ULK1: variants seen among roughly 807,000 people sequenced by gnomAD.
ULK1 encodes the protein serine/threonine-protein kinase ULK1.
Under a neutral mutation model 117.5 loss-of-function variants are expected in ULK1, and 48 were observed. That is an observed-to-expected ratio of 0.41 (90% CI 0.32 to 0.52). ULK1 has a LOEUF of 0.52. Ranked by LOEUF, ULK1 falls within the 20% of genes least tolerant of loss-of-function variation. The pLI is 0.29. For synonymous variants in ULK1, 790 were observed against 637.8 expected (o/e 1.24, Z -3.60); for missense variants, 1,387 against 1,473.4 (o/e 0.94, Z 0.96).
Position 131,921,834 on chromosome 12 carries a change from A to G in ULK1, c.*473A>G, listed in dbSNP as rs2136418136. 1 of 469,976 alleles carries G rather than the reference A, an allele frequency of 2.1e-6. No homozygotes were observed. Among genetic ancestry groups the G allele is most frequent in the East Asian group, 6.6e-5 (1 of 15,098 alleles). The allele number at this position is 469,976 out of a possible 1,614,324, so 29.1% of individuals were successfully genotyped here. Reference sequence around the variant, plus strand: ...ACCCACCCAGCTTTGTCAATCACCCAAGCACTTTATGCATATAGAGACAGA... The same window carrying G: ...ACCCACCCAGCTTTGTCAATCACCCGAGCACTTTATGCATATAGAGACAGA... On this transcript the variant is annotated 3_prime_UTR_variant, in exon 28 of 28. Coordinates refer to ENST00000321867, the MANE Select transcript of ULK1 (RefSeq NM_003565.4).
chr12:131,907,369 T>C (rs971825657), intron 4 of ULK1, 126 bp from the exon 5 acceptor site: 2 of 1,216,114 alleles, frequency 1.6e-6, no homozygotes, highest in Admixed American at 2.5e-5. Flanking sequence ...ACACCTGCCC[T>C]GGGCTGGGCA....
chr12:131,899,348 C>G (rs1208219175), intron 3 of ULK1, among the ~76,000 whole-genome samples: 2 of 152,020 alleles, frequency 1.3e-5, no homozygotes, highest in Non-Finnish European at 2.9e-5. Flanking sequence ...GCCACCACGC[C>G]TGGCTAATTT....
chr12:131,909,699 A>C, intron 8 of ULK1, 76 bp from the exon 9 acceptor site: 2 of 1,400,338 alleles, frequency 1.4e-6, no homozygotes, highest in South Asian at 1.4e-5. Context: ...CCGACTGGGG[A>C]CGAACGCACC....
At chr12:131,899,375 A>G (rs1462325643) in intron 3 of ULK1, among the ~76,000 whole-genome samples, 1 of 151,924 alleles carries the variant, frequency 6.6e-6, no homozygotes, top group Non-Finnish European at 1.5e-5. Context: ...TTTAGTAGAG[A>G]CAAGGTTTCT....
At chr12:131,911,760 G>A (rs1889546651) in intron 12 of ULK1, among the ~76,000 whole-genome samples, 182 bp from the exon 13 acceptor site, 1 of 152,216 alleles carries the variant, frequency 6.6e-6, no homozygotes, top group Non-Finnish European at 1.5e-5. Context: ...GCTGGCCTTT[G>A]AGTGGAGTGC....
At position 131,919,593 on chromosome 12, in the gene ULK1, G is replaced by C. The variant is rs754314032; in HGVS notation, c.2803+3G>C. Reference sequence around the variant, plus strand: ...CCTGTCGTCCACTGTGAAGCAGGGTGAGGGCTGCGACCGCTCAGCCCACAT... The same window carrying C: ...CCTGTCGTCCACTGTGAAGCAGGGTCAGGGCTGCGACCGCTCAGCCCACAT... On this transcript the variant is annotated splice_donor_region_variant and intron_variant, in intron 25 of 27. Transcript: ENST00000321867. 1 of 1,611,106 alleles carries C rather than the reference G, an allele frequency of 6.2e-7. No individual in the cohort carries two copies. The highest frequency in any genetic ancestry group is 1.1e-5 in the South Asian group (1 of 91,064).
chr12:131,906,690 GGA>G (rs1376307621), intron 3 of ULK1, 200 bp from the exon 4 acceptor site: 5 of 641,100 alleles, frequency 7.8e-6, no homozygotes, highest in Non-Finnish European at 1.4e-5. Flanking sequence ...TTGATCAGAT[GGA>G]GACCTGGCTG....
intron 10 of ULK1, 121 bp from the exon 11 acceptor site, chr12:131,910,133 A>G: frequency 6.4e-7 from 1 of 1,564,524 alleles, no homozygotes; most frequent in Non-Finnish European, 8.8e-7. Flanking sequence ...AAGCGCAGGC[A>G]GGGGCTCCAC....
intron 15 of ULK1, 27 bp downstream of exon 15, chr12:131,913,863 TG>T: frequency 6.7e-7 from 1 of 1,488,580 alleles, no homozygotes; most frequent in South Asian, 1.4e-5. Flanking sequence ...GCTGGGTGGA[TG>T]GGGCTGTGAA....
In ULK1 at chr12:131,914,241, T is replaced by C. The variant is rs1889672925; in HGVS notation, c.1248-111T>C. 12 of 1,512,468 alleles carry C rather than the reference T, an allele frequency of 7.9e-6. No homozygotes were observed. In the South Asian group the frequency reaches 1.5e-4, roughly 19 times the overall value. The allele number at this position is 1,512,468 out of a possible 1,614,324, so 93.7% of individuals were successfully genotyped here. On this transcript the variant is annotated intron_variant, in intron 15 of 27. Coordinates refer to ENST00000321867, the MANE Select transcript of ULK1 (RefSeq NM_003565.4). ...CTGGCATGGGTCTCAGGGTGGCCTC[T>C]GCCCTAACTAGGAAGTCTGGGCCTA... is the stretch of plus-strand genomic sequence containing the variant.
intron 12 of ULK1, 51 bp downstream of exon 12, chr12:131,910,851 AG>A (rs771680318): frequency 4.4e-6 from 7 of 1,607,428 alleles, no homozygotes; most frequent in Non-Finnish European, 4.2e-6. Context: ...CTCAGCAGTC[AG>A]GGGCTCCAGC....
In ULK1 at chr12:131,922,226, C is replaced by T. The variant is rs1221799850; in HGVS notation, c.*865C>T. The T allele has an allele frequency of 2.8e-6, 1 of 359,874 alleles. No homozygotes were observed. Among genetic ancestry groups the T allele is most frequent in the Admixed American group, 3.6e-5 (1 of 27,676 alleles). The allele number at this position is 359,874 out of a possible 1,614,324, so 22.3% of individuals were successfully genotyped here. A position where few individuals can be genotyped will look rare whatever the true frequency, so the allele number is the denominator to read the frequency against. Reference sequence around the variant, plus strand: ...TGTTTAAGAATTGGTTTTGGGAGGGCGAGGACTGGGCCAGGTTAGAGGCAG... The same window carrying T: ...TGTTTAAGAATTGGTTTTGGGAGGGTGAGGACTGGGCCAGGTTAGAGGCAG... On this transcript the variant is annotated 3_prime_UTR_variant, in exon 28 of 28. Transcript: ENST00000321867.
rs371635061 is a variant in ULK1 at position 131,916,943 on chromosome 12, A to G, written c.2073-10A>G. 1.2e-6 allele frequency: 2 copies of G among 1,607,008 alleles called. No homozygotes were observed. Among genetic ancestry groups the G allele is most frequent in the Non-Finnish European group, 1.7e-6 (2 of 1,177,036 alleles). ...CCGGGCACCCAGCACAGCCCTGCAC[A>G]CTCCCACAGGTCTTTCAGCACCAGC... On this transcript the variant is annotated splice_polypyrimidine_tract_variant and intron_variant, in intron 20 of 27. Transcript: ENST00000321867.
At chr12:131,908,166 C>A (rs910569911) in intron 5 of ULK1, among the ~76,000 whole-genome samples, 3 of 152,086 alleles carry the variant, frequency 2.0e-5, no homozygotes, top group Admixed American at 2.0e-4. Context: ...GAGTGCGGGG[C>A]TGGTAGATGG....
At position 131,913,715 on chromosome 12, in the gene ULK1, A is replaced by G. The variant is rs748231078; in HGVS notation, c.1158-32A>G. 5.5e-6 allele frequency: 8 copies of G among 1,453,398 alleles called. No individual in the cohort carries two copies. In the South Asian group the frequency reaches 1.2e-4, roughly 21 times the overall value. The allele number at this position is 1,453,398 out of a possible 1,614,324, so 90.0% of individuals were successfully genotyped here. A position where few individuals can be genotyped will look rare whatever the true frequency, so the allele number is the denominator to read the frequency against. On this transcript the variant is annotated intron_variant, in intron 14 of 27. Transcript: ENST00000321867. ...GTGAGACTGCCCCAAAAAAAACAAA[A>G]AAATGCCCTTGGCCTCCCTTCTGCC...
rs1345712415 is a variant in ULK1 at position 131,910,795 on chromosome 12, C to G, written c.943C>G (p.Pro315Ala). The change falls in exon 12 of 28, where the codon CCG becomes GCG. Residue 315 changes from proline (P) to alanine (A), a missense_variant. Coordinates refer to ENST00000321867, the MANE Select transcript of ULK1 (RefSeq NM_003565.4). The part of the protein sequence containing the change: ...SSSSTSHLAS[P>A]PSLGEMQQLQ... ...CAGCTCCACCTCCCACCTGGCCTCCCCGCCGGTGAGTTGCCGCCCCAGGGG... is the reference window on the plus strand; with the variant it reads ...CAGCTCCACCTCCCACCTGGCCTCCGCGCCGGTGAGTTGCCGCCCCAGGGG... 1.2e-6 allele frequency: 2 copies of G among 1,612,602 alleles called. No homozygotes were observed. The highest frequency in any genetic ancestry group is 2.2e-5 in the South Asian group (2 of 91,068).
chr12:131,909,106 C>G, intron 7 of ULK1, 30 bp from the exon 8 acceptor site: 1 of 1,600,570 alleles, frequency 6.2e-7, no homozygotes, highest in Non-Finnish European at 8.5e-7. Flanking sequence ...GTGCGGGGGC[C>G]TCACACTGAC....
chr12:131,913,919 C>A (rs1012567003), intron 15 of ULK1, 83 bp downstream of exon 15: 2 of 1,223,952 alleles, frequency 1.6e-6, no homozygotes, highest in South Asian at 1.9e-5. Context: ...TCGCAGCCAG[C>A]CCAGGCCTGC....
intron 3 of ULK1, among the ~76,000 whole-genome samples, chr12:131,906,043 G>A (rs1889259194): frequency 6.6e-6 from 1 of 152,222 alleles, no homozygotes; most frequent in Non-Finnish European, 1.5e-5. Context: ...TAGGGCAGCT[G>A]GAGGCCGCAG....
Sources: allele counts gnomAD v4.1 joint callset (sites outside exome capture counted in the v4.1 genomes callset), GRCh38; gene constraint gnomAD v4.1.1; transcripts MANE v1.5; gene names NCBI Gene and HGNC (gene_info 2026-07-23, HGNC 2026-07-21).